ATP10D: variants seen among roughly 807,000 people sequenced by gnomAD.
ATP10D encodes phospholipid-transporting ATPase VD.
In ATP10D, 89 loss-of-function variants were observed where a neutral mutation model predicts 144.8. That is an observed-to-expected ratio of 0.61 (90% confidence interval 0.52 to 0.73). The LOEUF (loss-of-function observed/expected upper bound fraction) is 0.73. Among genes scored for constraint, ATP10D ranks in the 30% least tolerant of loss-of-function variants. The pLI is 0.00. For missense variants in ATP10D, 1,603 were observed against 1,714.8 expected, an observed-to-expected ratio of 0.93 and a Z score of 1.15; for synonymous variants, 571 against 615.1, an observed-to-expected ratio of 0.93 and a Z score of 1.06.
rs1716406791 is a variant in ATP10D, at chr4:47,512,655, A to G, written c.115A>G (p.Lys39Glu). 1 of 1,614,120 alleles carries G rather than the reference A, an allele frequency of 6.2e-7. No individual in the cohort carries two copies. Among genetic ancestry groups the G allele is most frequent in the East Asian group, 2.2e-5 (1 of 44,868 alleles). Reference sequence around the variant, plus strand: ...TTCCTCGTTGCTCGCCTGTGGGCGCAAGTCCTCTCAGACCCCTAAACTGTC... The same window carrying G: ...TTCCTCGTTGCTCGCCTGTGGGCGCGAGTCCTCTCAGACCCCTAAACTGTC... ...NYSSLLACGR[K>E]SSQTPKLSGR... The change falls in exon 2 of 23, where the codon AAG becomes GAG. Residue 39 changes from lysine (K) to glutamate (E), a missense_variant. Transcript: ENST00000273859.
At chr4:47,511,654 A>G (rs1037994890) in intron 1 of ATP10D, among the ~76,000 whole-genome samples, 1 of 152,234 alleles carries the variant, frequency 6.6e-6, no homozygotes, top group Non-Finnish European at 1.5e-5. Context: ...AAAGCACCCC[A>G]AAACTTAATG....
chr4:47,549,958 T>G (rs2109439059), intron 10 of ATP10D, among the ~76,000 whole-genome samples: 1 of 151,896 alleles, frequency 6.6e-6, no homozygotes, highest in South Asian at 2.1e-4. Context: ...GTCTTTTTTT[T>G]TTTTTTTTTC....
chr4:47,565,381 A>G (rs1016738749), intron 15 of ATP10D, among the ~76,000 whole-genome samples: 19 of 152,164 alleles, frequency 1.2e-4, no homozygotes, highest in African/African-American at 4.6e-4. Context: ...AACCACAACC[A>G]CCAGCCAACT....
In ATP10D at chr4:47,566,064, T is replaced by G. The variant is rs73815716; in HGVS notation, c.2853+2299T>G. 7.0e-3 allele frequency among the ~76,000 whole-genome samples: 1,064 copies of G among 152,286 alleles called. 12 individuals are homozygous for G. Among genetic ancestry groups the G allele is most frequent in the African/African-American group, 0.024 (1,009 of 41,562 alleles). On this transcript the variant is annotated intron_variant, in intron 15 of 22. Coordinates refer to ENST00000273859, the MANE Select transcript of ATP10D (RefSeq NM_020453.4). Reference sequence around the variant, plus strand: ...CTAGTCCCTCAGGAATCACTAAGAGTTTAAAAGGACTTGAAGATCATGGAG... The same window carrying G: ...CTAGTCCCTCAGGAATCACTAAGAGGTTAAAAGGACTTGAAGATCATGGAG...
At chr4:47,510,522 G>C (rs556805647) in intron 1 of ATP10D, among the ~76,000 whole-genome samples, 1 of 152,180 alleles carries the variant, frequency 6.6e-6, no homozygotes, top group African/African-American at 2.4e-5. Flanking sequence ...TTTTGCAGTC[G>C]TTATGGGCTT....
At position 47,536,496 on chromosome 4, in the gene ATP10D, G is replaced by A; in HGVS notation, c.1075G>A (p.Asp359Asn). Residue 359 changes from aspartate (D) to asparagine (N), a missense_variant, in exon 8 of 23, where the codon GAT (aspartate) becomes AAT (asparagine). Transcript: ENST00000273859. ...KMHFFNVPEP[D>N]GHIISPLLAG... ...GCATTTTTTCAATGTTCCCGAGCCT[G>A]ATGGACATATCATATCACCACTGTT... 6.2e-7 allele frequency: 1 copy of A among 1,613,604 alleles called. No homozygotes were observed. The highest frequency in any genetic ancestry group is 8.5e-7 in the Non-Finnish European group (1 of 1,179,626).
intron 1 of ATP10D, among the ~76,000 whole-genome samples, chr4:47,498,025 T>C (rs1244838400): frequency 6.6e-6 from 1 of 152,238 alleles, no homozygotes; most frequent in Non-Finnish European, 1.5e-5. Flanking sequence ...ATCTATTATA[T>C]GTCAGATGTC....
chr4:47,560,318 T>C (rs905293707), intron 13 of ATP10D: 1 of 152,212 alleles, frequency 6.6e-6, no homozygotes, highest in Non-Finnish European at 1.5e-5. Context: ...CATTCAATTT[T>C]TCTTTGGAAT....
chr4:47,512,585 G>T lies in ATP10D; in HGVS notation c.45G>T (p.Leu15=), dbSNP rs1241263284. 1 of 1,614,148 alleles carries T rather than the reference G, an allele frequency of 6.2e-7. No homozygotes were observed. The highest frequency in any genetic ancestry group is 1.1e-5 in the South Asian group (1 of 91,074). ...GGGCCAGATATCACTGGCGACGGCTGATCAGAGGTGCAACCAGGGATGATG... is the reference window on the plus strand; with the variant it reads ...GGGCCAGATATCACTGGCGACGGCTTATCAGAGGTGCAACCAGGGATGATG... ...LQWARYHWRR[L]IRGATRDDDS... The change falls in exon 2 of 23, where the codon CTG becomes CTT. Residue 15 remains leucine (L), a synonymous_variant. Transcript: ENST00000273859.
chr4:47,547,456 A>G (rs1353393206), intron 10 of ATP10D: 2 of 152,376 alleles, frequency 1.3e-5, no homozygotes, highest in African/African-American at 4.8e-5. Flanking sequence ...TTACTCCAGA[A>G]AAACTAGAGG....
chr4:47,492,905 A>T (rs988738380), intron 1 of ATP10D, among the ~76,000 whole-genome samples: 7 of 152,174 alleles, frequency 4.6e-5, no homozygotes, highest in Admixed American at 1.3e-4. Context: ...TAATGTGCTT[A>T]TTTGCCTCAT....
chr4:47,536,994 A>G, intron 9 of ATP10D, 56 bp downstream of exon 9: 1 of 1,535,984 alleles, frequency 6.5e-7, no homozygotes, highest in Non-Finnish European at 8.7e-7. Flanking sequence ...TTTTGAAACC[A>G]CTTAAGTGTT....
rs147080188 is a variant in ATP10D at position 47,545,258 on chromosome 4, G to T, written c.1397-1366G>T. On this transcript the variant is annotated intron_variant, in intron 9 of 22. Coordinates refer to ENST00000273859, the MANE Select transcript of ATP10D (RefSeq NM_020453.4). Reference sequence around the variant, plus strand: ...GGATTTTAGTGGGCATGTAGAAAGAGAAGTGAAGTTAGATAGGTCAGCAGG... The same window carrying T: ...GGATTTTAGTGGGCATGTAGAAAGATAAGTGAAGTTAGATAGGTCAGCAGG... Among the ~76,000 whole-genome samples, 308 of 152,344 alleles carry T rather than the reference G, an allele frequency of 2.0e-3. 3 individuals carry two copies. Among genetic ancestry groups the T allele is most frequent in the Non-Finnish European group, 3.7e-3 (254 of 68,036 alleles).
intron 9 of ATP10D, among the ~76,000 whole-genome samples, chr4:47,541,208 T>C (rs1031266202): frequency 6.6e-6 from 1 of 152,190 alleles, no homozygotes; most frequent in African/African-American, 2.4e-5. Context: ...TCTCTATAAA[T>C]ATAGCTGTTG....
chr4:47,589,952 A>G (rs577084448), intron 22 of ATP10D, among the ~76,000 whole-genome samples: 1 of 152,130 alleles, frequency 6.6e-6, no homozygotes, highest in Non-Finnish European at 1.5e-5. Context: ...GAGGTTTCAG[A>G]AGAAAATGAA....
intron 15 of ATP10D, 97 bp downstream of exon 15, chr4:47,563,862 A>T: frequency 8.9e-7 from 1 of 1,129,636 alleles, no homozygotes; most frequent in East Asian, 2.7e-5. Flanking sequence ...AAAACAAAAC[A>T]GCAACCGTTA....
intron 15 of ATP10D, among the ~76,000 whole-genome samples, chr4:47,565,929 CAG>C (rs1719616230): frequency 6.6e-6 from 1 of 152,138 alleles, no homozygotes; most frequent in Non-Finnish European, 1.5e-5. Flanking sequence ...AATAACTAAA[CAG>C]AATACAACAA....
At chr4:47,567,274 CTG>C (rs753923151) in intron 15 of ATP10D, among the ~76,000 whole-genome samples, 4 of 152,174 alleles carry the variant, frequency 2.6e-5, no homozygotes, top group Non-Finnish European at 5.9e-5. Context: ...TGAAGATTAG[CTG>C]TGTGTGTGTA....
chr4:47,581,843 C>T, intron 20 of ATP10D, 117 bp from the exon 21 acceptor site: 2 of 733,976 alleles, frequency 2.7e-6, no homozygotes, highest in African/African-American at 1.8e-5. Flanking sequence ...TTCATATGGC[C>T]AGTTCACAGG....
Sources: gnomAD v4.1 joint callset for allele counts (sites outside exome capture counted in the v4.1 genomes callset) on GRCh38, gnomAD v4.1.1 for gene constraint, MANE v1.5 for transcripts, NCBI Gene and HGNC (gene_info 2026-07-23, HGNC 2026-07-21) for gene names.